Variants in RNF150 observed in about 807,000 individuals in gnomAD.
RNF150 encodes ring finger protein 150.
A neutral mutation model predicts 39.3 loss-of-function variants in RNF150; 24 were observed. The ratio of observed to expected loss-of-function variants is 0.61; its 90% confidence interval spans 0.44 to 0.86. The LOEUF is 0.86. Ranked by LOEUF, RNF150 falls within the 40% of genes least tolerant of loss-of-function variation. RNF150 has a pLI of 0.00. For missense variants in RNF150, 502 were observed against 587.8 expected (o/e 0.85, Z 1.51); for synonymous variants, 255 against 227.3 (o/e 1.12, Z -1.10).
chr4:140,986,718 T>C (rs1194094069), intron 1 of RNF150, among the ~76,000 whole-genome samples: 2 of 152,078 alleles, frequency 1.3e-5, no homozygotes, highest in Non-Finnish European at 1.5e-5. Context: ...AGTCCTTCTA[T>C]GCAAATACCG....
At chr4:141,084,863 C>T (rs879751465) in intron 1 of RNF150, among the ~76,000 whole-genome samples, 2 of 152,128 alleles carry the variant, frequency 1.3e-5, no homozygotes, top group South Asian at 4.1e-4. Flanking sequence ...AGACATTCTT[C>T]CCATAAAGAG....
chr4:140,910,195 C>A (rs1173411722), intron 6 of RNF150, among the ~76,000 whole-genome samples: 1 of 152,066 alleles, frequency 6.6e-6, no homozygotes, highest in African/African-American at 2.4e-5. Context: ...AAAAGAAAGA[C>A]CAACTTCAAA....
At chr4:141,082,710 T>G (rs1410377690) in intron 1 of RNF150, among the ~76,000 whole-genome samples, 1 of 151,050 alleles carries the variant, frequency 6.6e-6, no homozygotes, top group Admixed American at 6.6e-5. Context: ...TGCCTCAGCC[T>G]CCCGAGTAGC....
intron 1 of RNF150, among the ~76,000 whole-genome samples, chr4:141,147,925 C>T (rs182610017): frequency 1.4e-3 from 206 of 152,252 alleles, no homozygotes; most frequent in African/African-American, 4.6e-3. Flanking sequence ...AGTTTTCTCC[C>T]AGGAGTTGAA....
intron 1 of RNF150, among the ~76,000 whole-genome samples, chr4:141,205,565 T>C (rs1224085690): frequency 3.3e-5 from 5 of 152,166 alleles, no homozygotes; most frequent in African/African-American, 1.2e-4. Flanking sequence ...AGCACAAATA[T>C]GTTCCAGGGT....
At chr4:141,136,332 G>T (rs1378726952), upstream of RNF150, among the ~76,000 whole-genome samples, 2 of 151,928 alleles carry the variant, frequency 1.3e-5, no homozygotes, top group Non-Finnish European at 2.9e-5. Context: ...CATTCTTTCT[G>T]CAACTTACTC....
chr4:140,893,460 C>T (rs914894835), intron 6 of RNF150, among the ~76,000 whole-genome samples: 1 of 152,170 alleles, frequency 6.6e-6, no homozygotes, highest in South Asian at 2.1e-4. Flanking sequence ...GGAATCAAGG[C>T]AAAACCACAG....
At chr4:140,962,036 A>G (rs1733046856) in intron 2 of RNF150, among the ~76,000 whole-genome samples, 1 of 150,620 alleles carries the variant, frequency 6.6e-6, no homozygotes, top group African/African-American at 2.4e-5. Flanking sequence ...TTCTAATATC[A>G]TCGTCTGATT....
At chr4:141,126,020 G>T (rs1726742297) in intron 1 of RNF150, among the ~76,000 whole-genome samples, 1 of 152,086 alleles carries the variant, frequency 6.6e-6, no homozygotes. Flanking sequence ...TAATAACAGA[G>T]TCTAGAATTC....
chr4:141,050,539 G>C (rs1423576546), intron 1 of RNF150, among the ~76,000 whole-genome samples: 1 of 152,176 alleles, frequency 6.6e-6, no homozygotes, highest in Non-Finnish European at 1.5e-5. Flanking sequence ...CCTAAATACA[G>C]CTGTTGCAAA....
At chr4:141,163,305 A>G (rs969394102) in intron 1 of RNF150, among the ~76,000 whole-genome samples, 2 of 152,212 alleles carry the variant, frequency 1.3e-5, no homozygotes, top group African/African-American at 4.8e-5. Context: ...ACCTCCAGTC[A>G]AGGGCTTATA....
At chr4:141,097,843 T>G (rs1738858561) in intron 1 of RNF150, among the ~76,000 whole-genome samples, 1 of 152,200 alleles carries the variant, frequency 6.6e-6, no homozygotes, top group Non-Finnish European at 1.5e-5. Context: ...AATCTTTGTT[T>G]GATATATGGC....
intron 2 of RNF150, among the ~76,000 whole-genome samples, chr4:140,966,166 C>A (rs1220712343): frequency 1.3e-5 from 2 of 151,906 alleles, no homozygotes; most frequent in Non-Finnish European, 2.9e-5. Context: ...GAAAACCCAC[C>A]TCTACTGAAA....
chr4:140,901,523 A>G (rs1424042341), intron 6 of RNF150, among the ~76,000 whole-genome samples: 1 of 152,202 alleles, frequency 6.6e-6, no homozygotes, highest in Non-Finnish European at 1.5e-5. Flanking sequence ...CAAAATACAA[A>G]TATACATTGC....
intron 1 of RNF150, among the ~76,000 whole-genome samples, chr4:140,994,481 A>AAC (rs61671585): frequency 0.087 from 13,131 of 150,908 alleles, 610 homozygotes; most frequent in Middle Eastern, 0.17. Flanking sequence ...ACACACACAC[A>AAC]ACACACACAC....
intron 1 of RNF150, among the ~76,000 whole-genome samples, chr4:140,973,694 T>C (rs1369346139): frequency 6.6e-6 from 1 of 151,722 alleles, no homozygotes; most frequent in Non-Finnish European, 1.5e-5. Context: ...TTGACCAACA[T>C]GGTGAAATTC....
intron 4 of RNF150, chr4:140,944,655 A>T (rs1278821710): frequency 1.3e-5 from 2 of 152,376 alleles, no homozygotes; most frequent in East Asian, 3.9e-4. Flanking sequence ...TTGGAAAGAC[A>T]TTCTAAATGA....
chr4:141,092,549 T>C (rs1738625883), intron 1 of RNF150, among the ~76,000 whole-genome samples: 1 of 152,208 alleles, frequency 6.6e-6, no homozygotes, highest in Non-Finnish European at 1.5e-5. Flanking sequence ...TTATTTATTA[T>C]ATTCAGAGAG....
chr4:141,058,017 C>T (rs1327545857), intron 1 of RNF150, among the ~76,000 whole-genome samples: 2 of 151,940 alleles, frequency 1.3e-5, no homozygotes, highest in Non-Finnish European at 2.9e-5. Flanking sequence ...CTATGAACTC[C>T]CAGATGAAGC....
Sources: allele counts gnomAD v4.1 joint callset (sites outside exome capture counted in the v4.1 genomes callset), GRCh38; gene constraint gnomAD v4.1.1; transcripts MANE v1.5; gene names NCBI Gene and HGNC (gene_info 2026-07-23, HGNC 2026-07-21).